The following MTX2 variants were observed in gnomAD, a reference collection of about 807,000 sequenced individuals.
The protein encoded by MTX2 is metaxin 2.
A neutral mutation model predicts 42.3 loss-of-function variants in MTX2; 35 were observed. The observed-to-expected ratio is 0.83, with a 90% CI of 0.63 to 1.10. The LOEUF is 1.10. Among genes scored for constraint, MTX2 ranks in the 50% least tolerant of loss-of-function variants. MTX2 has a pLI of 0.00. For synonymous variants in MTX2, 119 were observed against 100.9 expected (o/e 1.18, Z -1.08); for missense variants, 307 against 304.1 (o/e 1.01, Z -0.07).
At chr2:176,329,883 G>GTCTGTCTGTCTGTCTA in intron 8 of MTX2, among the ~76,000 whole-genome samples, 1 of 30,000 alleles carries the variant, frequency 3.3e-5, no homozygotes, top group African/African-American at 1.1e-4. Context: ...TACTTTGTCC[G>GTCTGTCTGTCTGTCTA]TCTGTCTGTC....
intron 3 of MTX2, among the ~76,000 whole-genome samples, chr2:176,298,335 G>T: frequency 6.6e-6 from 1 of 151,810 alleles, no homozygotes. Context: ...TAATCTGTTT[G>T]GTAATCCTGT....
At chr2:176,327,763 T>C (rs936288869) in intron 5 of MTX2, among the ~76,000 whole-genome samples, 5 of 150,934 alleles carry the variant, frequency 3.3e-5, no homozygotes, top group African/African-American at 1.2e-4. Context: ...GATAAATTCC[T>C]GAGAGTGGTA....
At chr2:176,325,847 C>A (rs1684694799) in intron 4 of MTX2, among the ~76,000 whole-genome samples, 1 of 151,680 alleles carries the variant, frequency 6.6e-6, no homozygotes, top group Admixed American at 6.6e-5. Context: ...CTCAATACAT[C>A]TATTGAGTTG....
intron 8 of MTX2, among the ~76,000 whole-genome samples, chr2:176,329,895 ATCTATCTG>A (rs1221470908): frequency 2.1e-4 from 26 of 125,212 alleles, no homozygotes; most frequent in Admixed American, 1.5e-3. Context: ...CTGTCTGTCT[ATCTATCTG>A]TCTATCTGTC....
chr2:176,326,943 C>A, intron 5 of MTX2, 42 bp downstream of exon 5: 2 of 1,171,580 alleles, frequency 1.7e-6, no homozygotes, highest in South Asian at 2.9e-5. Context: ...GTTACCAAGT[C>A]ATTCATCATT....
At position 176,296,815 on chromosome 2, in the gene MTX2, T is replaced by C. The variant is rs75354073; in HGVS notation, c.41-45T>C. ...TTATTAATTTGGTTTGTTATTGATATGTTTTTGCTTTATGTGCCTAATTAT... is the reference window on the plus strand; with the variant it reads ...TTATTAATTTGGTTTGTTATTGATACGTTTTTGCTTTATGTGCCTAATTAT... On this transcript the variant is annotated intron_variant, in intron 1 of 9. Transcript: ENST00000249442. 8,285 of 1,591,026 alleles carry C rather than the reference T, an allele frequency of 5.2e-3. 350 individuals carry two copies. In the African/African-American group the frequency reaches 0.094, roughly 18 times the overall value.
Position 176,318,579 on chromosome 2 carries a change from G to A in MTX2, c.136-4813G>A, listed in dbSNP as rs1337046764. On this transcript the variant is annotated intron_variant, in intron 3 of 9. Coordinates refer to ENST00000249442, the MANE Select transcript of MTX2 (RefSeq NM_006554.5). ...TAGCAATTGGAGTTGCTCAGCAAAT[G>A]AGAAATCTTTATATTCTCTCAGAAA... 2.0e-5 allele frequency among the ~76,000 whole-genome samples: 3 copies of A among 152,312 alleles called. No homozygotes were observed. The South Asian group carries it at 6.2e-4, about 32-fold the overall frequency.
chr2:176,312,863 C>CAA (rs557475003), intron 3 of MTX2, among the ~76,000 whole-genome samples: 112 of 55,708 alleles, frequency 2.0e-3, no homozygotes, highest in East Asian at 0.016. Context: ...AATGCCATCT[C>CAA]AAAAAAAAAA....
At chr2:176,278,722 T>C (rs1693008075) in intron 1 of MTX2, among the ~76,000 whole-genome samples, 1 of 152,194 alleles carries the variant, frequency 6.6e-6, no homozygotes, top group African/African-American at 2.4e-5. Flanking sequence ...GGACTGAAGA[T>C]ATCAAATAGA....
chr2:176,298,498 G>C (rs1683946520), intron 3 of MTX2, among the ~76,000 whole-genome samples: 1 of 151,972 alleles, frequency 6.6e-6, no homozygotes, highest in South Asian at 2.1e-4. Flanking sequence ...TAAACTTTAA[G>C]CTGCATTATA....
intron 1 of MTX2, among the ~76,000 whole-genome samples, chr2:176,288,880 A>G (rs931288108): frequency 3.3e-5 from 5 of 151,882 alleles, no homozygotes; most frequent in African/African-American, 1.2e-4. Flanking sequence ...CTTATATTAG[A>G]TCATCGAGAG....
intron 1 of MTX2, chr2:176,270,145 C>A (rs1692765785): frequency 6.6e-6 from 2 of 304,104 alleles, no homozygotes; most frequent in Admixed American, 4.4e-5. Flanking sequence ...CACAGTAGTG[C>A]CATTTGCTAA....
At chr2:176,308,424 G>A (rs1684209094) in intron 3 of MTX2, among the ~76,000 whole-genome samples, 1 of 152,130 alleles carries the variant, frequency 6.6e-6, no homozygotes, top group African/African-American at 2.4e-5. Context: ...CATAAAATCA[G>A]TTTGGGAGGA....
chr2:176,295,886 CA>C (rs1683860487), intron 1 of MTX2, among the ~76,000 whole-genome samples: 1 of 152,030 alleles, frequency 6.6e-6, no homozygotes, highest in South Asian at 2.1e-4. Flanking sequence ...AGTATAAACA[CA>C]ATTAGAAATA....
At chr2:176,336,798 A>G (rs956653461) in intron 9 of MTX2, among the ~76,000 whole-genome samples, 9 of 152,074 alleles carry the variant, frequency 5.9e-5, no homozygotes, top group African/African-American at 2.2e-4. Flanking sequence ...TTGTGGTAGG[A>G]TTTGTTTCTT....
intron 3 of MTX2, among the ~76,000 whole-genome samples, chr2:176,313,688 T>G (rs897888987): frequency 6.6e-6 from 1 of 152,158 alleles, no homozygotes; most frequent in Admixed American, 6.6e-5. Flanking sequence ...CCACTGCACC[T>G]GGCCTTATTG....
chr2:176,305,568 A>C lies in MTX2; in HGVS notation c.135+7673A>C, dbSNP rs186217424. On this transcript the variant is annotated intron_variant, in intron 3 of 9. Coordinates refer to ENST00000249442, the MANE Select transcript of MTX2 (RefSeq NM_006554.5). ...TACTAATGAAGCTTATATTCTTGGG[A>C]GGACAGGCTTTTATCCGTTCATTTA... Among the ~76,000 whole-genome samples the C allele has an allele frequency of 5.3e-5, 8 of 152,290 alleles. No homozygotes were observed. The East Asian group carries it at 1.5e-3, about 29-fold the overall frequency.
At chr2:176,305,146 A>G (rs1684109545) in intron 3 of MTX2, among the ~76,000 whole-genome samples, 1 of 152,050 alleles carries the variant, frequency 6.6e-6, no homozygotes, top group African/African-American at 2.4e-5. Context: ...TTGTCTTTGG[A>G]ATAAAGAAGA....
intron 4 of MTX2, 111 bp from the exon 5 acceptor site, chr2:176,326,714 T>C (rs1438995731): frequency 3.6e-5 from 25 of 692,652 alleles, no homozygotes; most frequent in Non-Finnish European, 5.0e-5. Flanking sequence ...GTTACAGTTT[T>C]ATGAAATCCC....
Sources: gnomAD v4.1 joint callset for allele counts (sites outside exome capture counted in the v4.1 genomes callset) on GRCh38, gnomAD v4.1.1 for gene constraint, MANE v1.5 for transcripts, NCBI Gene and HGNC (gene_info 2026-07-23, HGNC 2026-07-21) for gene names.